DMD: variants seen among roughly 807,000 people sequenced by gnomAD.
DMD encodes dystrophin.
A neutral mutation model predicts 330.1 loss-of-function variants in DMD; 63 were observed. The ratio of observed to expected loss-of-function variants is 0.19; its 90% CI spans 0.16 to 0.24. The LOEUF is 0.24. Among genes scored for constraint, DMD ranks in the 10% least tolerant of loss-of-function variants. DMD has a pLI of 1.00. For missense variants in DMD, 3,344 were observed against 2,684.1 expected (o/e 1.25, Z -5.43); for synonymous variants, 1,223 against 959.8 (o/e 1.27, Z -5.07).
intron 44 of DMD, among the ~76,000 whole-genome samples, chrX:32,076,654 C>T (rs756531192): frequency 1.8e-5 from 2 of 111,893 alleles, no homozygotes; most frequent in East Asian, 2.8e-4. Flanking sequence ...GCTGGGATTA[C>T]AGGCGTGAGC....
At chrX:32,581,209 T>C (rs2053619895) in intron 13 of DMD, among the ~76,000 whole-genome samples, 1 of 112,216 alleles carries the variant, frequency 8.9e-6, no homozygotes, top group African/African-American at 3.2e-5. Flanking sequence ...CATCACAACT[T>C]TTCATCCACA....
intron 44 of DMD, among the ~76,000 whole-genome samples, chrX:32,100,229 C>T (rs1255154894): frequency 9.1e-6 from 1 of 110,300 alleles, no homozygotes; most frequent in Non-Finnish European, 1.9e-5. Flanking sequence ...TACACAAGGG[C>T]CTTACATTAT....
chrX:32,322,428 T>G (rs776119237), intron 41 of DMD, among the ~76,000 whole-genome samples: 4 of 110,691 alleles, frequency 3.6e-5, no homozygotes, highest in East Asian at 5.7e-4. Context: ...CCAGTCATGG[T>G]ACTGATGGCC....
At chrX:31,575,206 T>A (rs1166494665) in intron 55 of DMD, among the ~76,000 whole-genome samples, 1 of 112,052 alleles carries the variant, frequency 8.9e-6, no homozygotes, top group East Asian at 2.8e-4. Flanking sequence ...GTTTTGTAGA[T>A]GTATAACAAA....
chrX:32,121,055 A>T (rs2096632702), intron 44 of DMD, among the ~76,000 whole-genome samples: 1 of 112,035 alleles, frequency 8.9e-6, no homozygotes, highest in Non-Finnish European at 1.9e-5. Context: ...CGGAAGTGCA[A>T]ACGTTCGTTA....
At chrX:33,147,292 G>A (rs1324877830) in intron 1 of DMD, among the ~76,000 whole-genome samples, 3 of 111,450 alleles carry the variant, frequency 2.7e-5, no homozygotes, top group Non-Finnish European at 5.6e-5. Context: ...AAATGTATAG[G>A]GGGATCAAAA....
At chrX:32,460,511 A>G (rs753027499) in intron 25 of DMD, among the ~76,000 whole-genome samples, 1 of 111,482 alleles carries the variant, frequency 9.0e-6, no homozygotes, top group Non-Finnish European at 1.9e-5. Context: ...CTTAAAAGTC[A>G]GATGACTTTC....
intron 30 of DMD, among the ~76,000 whole-genome samples, chrX:32,396,176 C>G (rs1259857937): frequency 2.7e-5 from 3 of 110,926 alleles, no homozygotes; most frequent in African/African-American, 9.8e-5. Context: ...GACCAAGTAA[C>G]CTGTGAGAGG....
intron 17 of DMD, among the ~76,000 whole-genome samples, chrX:32,532,375 T>C: frequency 8.9e-6 from 1 of 111,868 alleles, no homozygotes. Flanking sequence ...GCATTTTATT[T>C]CAGCTAAATA....
At chrX:32,666,222 G>T (rs2061294390) in intron 9 of DMD, among the ~76,000 whole-genome samples, 1 of 110,862 alleles carries the variant, frequency 9.0e-6, no homozygotes, top group Non-Finnish European at 1.9e-5. Flanking sequence ...CAAGTTCTGG[G>T]ATACATGTGC....
At chrX:32,564,714 G>T (rs1569211997) in intron 16 of DMD, among the ~76,000 whole-genome samples, 1 of 111,595 alleles carries the variant, frequency 9.0e-6, no homozygotes, top group African/African-American at 3.3e-5. Flanking sequence ...ATATAGGCTG[G>T]TTTATTACGC....
chrX:31,710,906 T>C (rs1051628225), intron 52 of DMD, among the ~76,000 whole-genome samples: 2 of 111,368 alleles, frequency 1.8e-5, no homozygotes, highest in African/African-American at 6.5e-5. Flanking sequence ...TTTTTAAAAA[T>C]AATCATTAAC....
chrX:31,140,862 G>T (rs2035955799), intron 76 of DMD, among the ~76,000 whole-genome samples: 1 of 111,885 alleles, frequency 8.9e-6, no homozygotes, highest in Admixed American at 9.5e-5. Flanking sequence ...TAAGTTCTAG[G>T]GAGTTGTAGG....
intron 44 of DMD, among the ~76,000 whole-genome samples, chrX:32,212,188 C>G (rs1032242598): frequency 1.8e-5 from 2 of 112,000 alleles, no homozygotes; most frequent in African/African-American, 6.5e-5. Flanking sequence ...GAAACAGATG[C>G]GTTTGGCTGA....
At chrX:32,198,554 G>C (rs1388662942) in intron 44 of DMD, among the ~76,000 whole-genome samples, 2 of 111,886 alleles carry the variant, frequency 1.8e-5, no homozygotes, top group East Asian at 5.6e-4. Context: ...GTATCAACGA[G>C]TTTAGTATCT....
chrX:31,780,445 T>C (rs2090951410), intron 50 of DMD, among the ~76,000 whole-genome samples: 1 of 112,373 alleles, frequency 8.9e-6, no homozygotes, highest in Non-Finnish European at 1.9e-5. Flanking sequence ...AGCAATGTTA[T>C]ATGTGATCAA....
chrX:31,749,501 C>G (rs1347189627), intron 51 of DMD, among the ~76,000 whole-genome samples: 3 of 106,753 alleles, frequency 2.8e-5, no homozygotes, highest in Admixed American at 1.0e-4. Context: ...GCATAGTATT[C>G]CATGGTGTAT....
chrX:32,175,331 T>A (rs1028459029), intron 44 of DMD, among the ~76,000 whole-genome samples: 7 of 110,089 alleles, frequency 6.4e-5, no homozygotes, highest in South Asian at 3.9e-4. Context: ...ATCAGTAGGA[T>A]TCTAAAAGTA....
intron 42 of DMD, among the ~76,000 whole-genome samples, chrX:32,307,872 C>CA (rs1259602024): frequency 3.6e-5 from 4 of 110,548 alleles, no homozygotes; most frequent in South Asian, 3.8e-4. Flanking sequence ...TCTAAACTTC[C>CA]AAAAAATTGC....
Sources: gnomAD v4.1 joint callset for allele counts (sites outside exome capture counted in the v4.1 genomes callset) on GRCh38, gnomAD v4.1.1 for gene constraint, MANE v1.5 for transcripts, NCBI Gene and HGNC (gene_info 2026-07-23, HGNC 2026-07-21) for gene names.